Variants in CSMD1 observed in about 807,000 individuals in gnomAD.
CSMD1 encodes the protein CUB and Sushi multiple domains 1.
CSMD1 carries 213 observed loss-of-function variants against 417.5 expected under a neutral mutation model. The observed-to-expected ratio is 0.51, with a 90% CI of 0.46 to 0.57. CSMD1 has a LOEUF of 0.57. Ranked by LOEUF, CSMD1 falls within the 20% of genes least tolerant of loss-of-function variation. CSMD1 has a pLI of 0.00. For missense variants in CSMD1, 6,923 were observed against 4,529.7 expected, an observed-to-expected ratio of 1.53 and a Z score of -15.17; for synonymous variants, 2,862 against 1,736.8, an observed-to-expected ratio of 1.65 and a Z score of -16.11.
intron 20 of CSMD1, among the ~76,000 whole-genome samples, chr8:3,365,377 G>T (rs1036535773): frequency 2.0e-5 from 3 of 152,136 alleles, no homozygotes; most frequent in African/African-American, 7.2e-5. Flanking sequence ...AAATCCCCAA[G>T]AAATATTTTC....
intron 1 of CSMD1, among the ~76,000 whole-genome samples, chr8:4,952,340 A>G (rs998927223): frequency 3.2e-5 from 2 of 62,132 alleles, no homozygotes; most frequent in Non-Finnish European, 7.2e-5. Flanking sequence ...AACAAACCCA[A>G]TAAGTGAAAC....
intron 2 of CSMD1, among the ~76,000 whole-genome samples, chr8:4,441,404 C>T (rs1252278747): frequency 6.6e-6 from 1 of 151,582 alleles, no homozygotes; most frequent in African/African-American, 2.4e-5. Context: ...TGAGCCAACT[C>T]ACCCAGCCCC....
At chr8:4,407,543 T>A (rs994421465) in intron 3 of CSMD1, among the ~76,000 whole-genome samples, 2 of 152,200 alleles carry the variant, frequency 1.3e-5, no homozygotes. Flanking sequence ...ACAGATATCT[T>A]GTGCTAATTT....
intron 3 of CSMD1, among the ~76,000 whole-genome samples, chr8:4,335,801 C>A (rs1292763468): frequency 6.6e-6 from 1 of 151,852 alleles, no homozygotes; most frequent in African/African-American, 2.4e-5. Context: ...ACCTGTGATC[C>A]CATGGAAGAT....
intron 3 of CSMD1, among the ~76,000 whole-genome samples, chr8:4,198,442 G>T (rs1362709412): frequency 6.6e-6 from 1 of 152,140 alleles, no homozygotes; most frequent in African/African-American, 2.4e-5. Context: ...TACCTGTGGT[G>T]GTTAGGTAAA....
At chr8:4,905,744 C>CCA (rs1352662793) in intron 1 of CSMD1, among the ~76,000 whole-genome samples, 2 of 140,716 alleles carry the variant, frequency 1.4e-5, no homozygotes, top group Admixed American at 1.6e-4. Flanking sequence ...GGCGTGAAAC[C>CCA]GGGAGGCGGA....
chr8:3,580,119 T>C (rs781145165), intron 9 of CSMD1, among the ~76,000 whole-genome samples: 1 of 150,256 alleles, frequency 6.7e-6, no homozygotes, highest in African/African-American at 2.5e-5. Context: ...GAAAAGAAAA[T>C]AAAAAGAAAG....
intron 49 of CSMD1, among the ~76,000 whole-genome samples, chr8:3,072,895 C>T (rs1174844598): frequency 1.3e-5 from 2 of 152,036 alleles, no homozygotes; most frequent in Non-Finnish European, 2.9e-5. Context: ...CAGAGTAATG[C>T]AAAACCCAGT....
chr8:3,280,216 G>A (rs200467352), intron 26 of CSMD1, among the ~76,000 whole-genome samples: 1 of 152,162 alleles, frequency 6.6e-6, no homozygotes, highest in African/African-American at 2.4e-5. Context: ...GGAAGAGAAA[G>A]TAGTAGATTT....
At chr8:4,259,354 G>C (rs573711562) in intron 3 of CSMD1, among the ~76,000 whole-genome samples, 3 of 152,244 alleles carry the variant, frequency 2.0e-5, no homozygotes, top group South Asian at 2.1e-4. Flanking sequence ...GAACAGGAAA[G>C]CGAGCGGATC....
chr8:4,938,015 T>C (rs1807740078), intron 1 of CSMD1, among the ~76,000 whole-genome samples: 1 of 152,214 alleles, frequency 6.6e-6, no homozygotes, highest in African/African-American at 2.4e-5. Context: ...CATGCAATCT[T>C]TGTACTCAAA....
In CSMD1 at chr8:4,220,354, A is replaced by C. The variant is rs1461867641; in HGVS notation, c.416-188255T>G. On this transcript the variant is annotated intron_variant, in intron 3 of 69. Transcript: ENST00000635120. The stretch of plus-strand genomic sequence containing the variant: ...AGGTTAGCATGTACAACAGCAGGAA[A>C]GAGGACCACACCATGAGGAGGACCC... 2.0e-5 allele frequency among the ~76,000 whole-genome samples: 3 copies of C among 152,182 alleles called. No homozygotes were observed. The East Asian group carries it at 5.8e-4, about 29-fold the overall frequency.
rs763966277 is a variant in CSMD1 at position 4,312,826 on chromosome 8, A to G, written c.415+107127T>C. On this transcript the variant is annotated intron_variant, in intron 3 of 69. Transcript: ENST00000635120. ...GTGGTGGAGGTTGCAGTTAGCTGAG[A>G]TCGCGCCAGGCAAGGCGGTAAGAGT... is the stretch of plus-strand genomic sequence containing the variant. Among the ~76,000 whole-genome samples, 9 of 152,290 alleles carry G rather than the reference A, an allele frequency of 5.9e-5. No homozygotes were observed. The South Asian group carries it at 6.2e-4, about 11-fold the overall frequency.
intron 1 of CSMD1, among the ~76,000 whole-genome samples, chr8:4,957,614 A>C (rs1417040004): frequency 6.6e-6 from 1 of 152,212 alleles, no homozygotes; most frequent in Non-Finnish European, 1.5e-5. Context: ...TGAAAGAAAA[A>C]AATGCACTGA....
intron 3 of CSMD1, among the ~76,000 whole-genome samples, chr8:4,070,593 G>C (rs886108319): frequency 6.6e-6 from 1 of 151,980 alleles, no homozygotes; most frequent in South Asian, 2.1e-4. Flanking sequence ...TCCTGACCTC[G>C]TGATCCACCC....
chr8:4,232,315 C>A (rs79401980), intron 3 of CSMD1, among the ~76,000 whole-genome samples: 44 of 152,280 alleles, frequency 2.9e-4, no homozygotes, highest in African/African-American at 1.0e-3. Context: ...TCTCCTGTCT[C>A]AGCCTCCCTA....
chr8:3,394,757 A>G (rs779170775), intron 17 of CSMD1, among the ~76,000 whole-genome samples: 4 of 152,188 alleles, frequency 2.6e-5, no homozygotes, highest in Non-Finnish European at 4.4e-5. Flanking sequence ...TGGACATTTT[A>G]AAGAAACAAA....
At chr8:3,125,132 A>C (rs1033212790) in intron 41 of CSMD1, among the ~76,000 whole-genome samples, 1 of 152,256 alleles carries the variant, frequency 6.6e-6, no homozygotes, top group Non-Finnish European at 1.5e-5. Context: ...ATAAAGGACT[A>C]TATTAGGAGT....
intron 7 of CSMD1, among the ~76,000 whole-genome samples, chr8:3,652,533 C>A (rs895120330): frequency 6.6e-6 from 1 of 152,234 alleles, no homozygotes; most frequent in Admixed American, 6.5e-5. Context: ...TTCAGCATGG[C>A]TGGGGAGGCC....
Sources: gnomAD v4.1 joint callset for allele counts (sites outside exome capture counted in the v4.1 genomes callset) on GRCh38, gnomAD v4.1.1 for gene constraint, MANE v1.5 for transcripts, NCBI Gene and HGNC (gene_info 2026-07-23, HGNC 2026-07-21) for gene names.